The following NPIPA1 variants were observed in gnomAD, a reference collection of about 807,000 sequenced individuals.
The protein encoded by NPIPA1 is nuclear pore complex interacting protein family member A1.
For synonymous variants in NPIPA1, 7 were observed against 88.0 expected, an observed-to-expected ratio of 0.08 and a Z score of 5.15; for missense variants, 22 against 232.2, an observed-to-expected ratio of 0.09 and a Z score of 5.88.
At chr16:14,938,949 G>C (rs1230084533) in intron 1 of NPIPA1, among the ~76,000 whole-genome samples, 2 of 143,534 alleles carry the variant, frequency 1.4e-5, no homozygotes, top group African/African-American at 5.1e-5. Context: ...TAGTCTCCAT[G>C]TCTTGACCTC....
intron 5 of NPIPA1, chr16:14,949,510 CTA>C (rs1965964551): frequency 7.7e-6 from 1 of 129,444 alleles, no homozygotes; most frequent in South Asian, 5.3e-5. Flanking sequence ...GGGAAGGAAA[CTA>C]TCATCTCAGA....
Sources: allele counts gnomAD v4.1 joint callset (sites outside exome capture counted in the v4.1 genomes callset), GRCh38; gene constraint gnomAD v4.1.1; transcripts MANE v1.5; gene names NCBI Gene and HGNC (gene_info 2026-07-23, HGNC 2026-07-21).